Variants in SIAH3 observed in about 807,000 individuals in gnomAD.
SIAH3 encodes the protein siah E3 ubiquitin protein ligase family member 3.
SIAH3 carries 9 observed loss-of-function variants against 12.6 expected under a neutral mutation model. That is an observed-to-expected ratio of 0.72 (90% confidence interval 0.43 to 1.25). The LOEUF is 1.25. SIAH3 is among the 50% of genes most tolerant of loss of function. The pLI, the probability that SIAH3 is intolerant of heterozygous loss-of-function variation, is 0.00. For synonymous variants in SIAH3, 154 were observed against 151.1 expected (o/e 1.02, Z -0.14); for missense variants, 390 against 365.4 (o/e 1.07, Z -0.55).
intron 1 of SIAH3, among the ~76,000 whole-genome samples, chr13:45,790,097 G>A (rs184350222): frequency 6.6e-6 from 1 of 152,148 alleles, no homozygotes; most frequent in East Asian, 1.9e-4. Context: ...CTGGTGCTCT[G>A]ATGCCACTTC....
chr13:45,796,021 T>C (rs1376707937), intron 1 of SIAH3, among the ~76,000 whole-genome samples: 1 of 152,172 alleles, frequency 6.6e-6, no homozygotes, highest in Non-Finnish European at 1.5e-5. Flanking sequence ...ACATATAAAA[T>C]TGATCTATAG....
At position 45,851,690 on chromosome 13, in the gene SIAH3, C is replaced by A. The variant is rs1749222832; in HGVS notation, c.-61G>T. ...GCGGAGGAAGCTGTGAGTCCTTGGG[C>A]CCTGGAAGGAGCGCAGCCTCTGAGA... On this transcript the variant is annotated 5_prime_UTR_variant, in exon 1 of 2. Transcript: ENST00000400405. The A allele has an allele frequency of 8.1e-6, 13 of 1,608,832 alleles. No individual in the cohort carries two copies. The highest frequency in any genetic ancestry group is 1.1e-5 in the Non-Finnish European group (13 of 1,176,750).
chr13:45,818,709 T>G (rs1361134645), intron 1 of SIAH3, among the ~76,000 whole-genome samples: 1 of 152,216 alleles, frequency 6.6e-6, no homozygotes, highest in Non-Finnish European at 1.5e-5. Context: ...ATCTCCCTCT[T>G]GTAAGAGCGA....
intron 1 of SIAH3, among the ~76,000 whole-genome samples, chr13:45,829,015 T>C (rs1950689205): frequency 6.6e-6 from 1 of 152,126 alleles, no homozygotes; most frequent in African/African-American, 2.4e-5. Flanking sequence ...TAATAAGCAA[T>C]AGCTTACATA....
chr13:45,808,704 C>T (rs547942855), intron 1 of SIAH3, among the ~76,000 whole-genome samples: 34 of 54,038 alleles, frequency 6.3e-4, no homozygotes, highest in African/African-American at 2.7e-3. Flanking sequence ...TCCATATGTA[C>T]GTGCATACTT....
At chr13:45,821,691 C>T (rs955338085) in intron 1 of SIAH3, among the ~76,000 whole-genome samples, 4 of 152,158 alleles carry the variant, frequency 2.6e-5, no homozygotes, top group African/African-American at 7.2e-5. Flanking sequence ...GACTCTGTGG[C>T]CCTCTTAATT....
intron 1 of SIAH3, among the ~76,000 whole-genome samples, chr13:45,832,558 A>T (rs1162194792): frequency 6.6e-6 from 1 of 152,184 alleles, no homozygotes; most frequent in Non-Finnish European, 1.5e-5. Context: ...CATTGTATGT[A>T]TCTGCCACAT....
At chr13:45,851,183 C>T (rs987550990) in intron 1 of SIAH3, among the ~76,000 whole-genome samples, 2 of 152,076 alleles carry the variant, frequency 1.3e-5, no homozygotes, top group Non-Finnish European at 2.9e-5. Context: ...ATGGGGACGC[C>T]CCCCTGTTCC....
At chr13:45,835,426 T>C (rs1437085778) in intron 1 of SIAH3, among the ~76,000 whole-genome samples, 1 of 152,214 alleles carries the variant, frequency 6.6e-6, no homozygotes, top group Non-Finnish European at 1.5e-5. Flanking sequence ...CTAGTAATGA[T>C]AATAATAACA....
At chr13:45,841,680 A>G (rs1834018642) in intron 1 of SIAH3, among the ~76,000 whole-genome samples, 1 of 152,166 alleles carries the variant, frequency 6.6e-6, no homozygotes, top group Admixed American at 6.5e-5. Context: ...TTTGTTTCTC[A>G]TCTGTTTTCT....
intron 1 of SIAH3, among the ~76,000 whole-genome samples, chr13:45,805,465 C>T (rs7983533): frequency 0.045 from 6,778 of 152,148 alleles, 496 homozygotes; most frequent in African/African-American, 0.15. Flanking sequence ...TTGACAATAA[C>T]AAGCAATGGG....
chr13:45,784,722 A>G (rs1950522081), intron 1 of SIAH3, among the ~76,000 whole-genome samples: 1 of 152,138 alleles, frequency 6.6e-6, no homozygotes, highest in Non-Finnish European at 1.5e-5. Context: ...TCTCTGCCCC[A>G]GGGCAGCTTC....
chr13:45,830,044 T>C (rs576480018), intron 1 of SIAH3, among the ~76,000 whole-genome samples: 5 of 152,184 alleles, frequency 3.3e-5, no homozygotes, highest in Non-Finnish European at 7.4e-5. Flanking sequence ...GGCTGTTAAA[T>C]GCAGTCCATT....
chr13:45,851,648 G>T lies in SIAH3; in HGVS notation c.-19C>A, dbSNP rs760212846. The T allele has an allele frequency of 5.6e-6, 9 of 1,614,128 alleles. No individual in the cohort carries two copies. Among genetic ancestry groups the T allele is most frequent in the Non-Finnish European group, 6.8e-6 (8 of 1,179,994 alleles). On this transcript the variant is annotated 5_prime_UTR_variant, in exon 1 of 2. Coordinates refer to ENST00000400405, the MANE Select transcript of SIAH3 (RefSeq NM_198849.3). ...AAAGCATCACAACTTTTGGGGGGTT[G>T]TTGGTCCGGGAAGGCAGCGGAGGAA... is the stretch of plus-strand genomic sequence containing the variant.
intron 1 of SIAH3, among the ~76,000 whole-genome samples, chr13:45,820,238 C>T (rs942292966): frequency 2.6e-5 from 4 of 152,170 alleles, no homozygotes; most frequent in Non-Finnish European, 5.9e-5. Flanking sequence ...GCACCACGAG[C>T]GAACCCCTAA....
chr13:45,797,330 C>T (rs182217462), intron 1 of SIAH3, among the ~76,000 whole-genome samples: 1 of 152,156 alleles, frequency 6.6e-6, no homozygotes, highest in Non-Finnish European at 1.5e-5. Context: ...CAGGATTGCT[C>T]CAGCCTGCAT....
In SIAH3 at chr13:45,846,777, G is replaced by A. The variant is rs534415304; in HGVS notation, c.135+4718C>T. Among the ~76,000 whole-genome samples, 15 of 152,180 alleles carry A rather than the reference G, an allele frequency of 9.9e-5. 1 individual carries two copies. In the South Asian group the frequency reaches 2.3e-3, roughly 23 times the overall value. On this transcript the variant is annotated intron_variant, in intron 1 of 1. Transcript: ENST00000400405. Reference sequence around the variant, plus strand: ...GGATAAATGCAGTACAGAGGTAATCGGCTCACCTCATCATAGCCGCCAGCT... The same window carrying A: ...GGATAAATGCAGTACAGAGGTAATCAGCTCACCTCATCATAGCCGCCAGCT...
At chr13:45,789,861 C>T (rs1048427834) in intron 1 of SIAH3, among the ~76,000 whole-genome samples, 3 of 152,138 alleles carry the variant, frequency 2.0e-5, no homozygotes, top group African/African-American at 4.8e-5. Context: ...TTCAGATTCA[C>T]GTCAGATGCT....
chr13:45,798,130 C>T (rs1950569388), intron 1 of SIAH3, among the ~76,000 whole-genome samples: 1 of 152,240 alleles, frequency 6.6e-6, no homozygotes, highest in East Asian at 1.9e-4. Context: ...GAGAGCTTCG[C>T]TTTAATTAAT....
Sources: gnomAD v4.1 joint callset for allele counts (sites outside exome capture counted in the v4.1 genomes callset) on GRCh38, gnomAD v4.1.1 for gene constraint, MANE v1.5 for transcripts, NCBI Gene and HGNC (gene_info 2026-07-23, HGNC 2026-07-21) for gene names.